Variants in RIF1 observed in about 807,000 individuals in gnomAD.
RIF1 encodes the protein replication timing regulatory factor 1, also known as telomere-associated protein RIF1.
RIF1 carries 45 observed loss-of-function variants against 247.1 expected under a neutral mutation model. The ratio of observed to expected loss-of-function variants is 0.18; its 90% CI spans 0.14 to 0.23. The LOEUF is 0.23. Ranked by LOEUF, RIF1 falls within the 10% of genes least tolerant of loss-of-function variation. The pLI is 1.00. For missense variants in RIF1, 2,967 were observed against 2,862.5 expected (o/e 1.04, Z -0.83); for synonymous variants, 1,087 against 978.8 (o/e 1.11, Z -2.06).
chr2:151,438,075 C>T (rs1275248544), intron 13 of RIF1, among the ~76,000 whole-genome samples: 6 of 152,026 alleles, frequency 3.9e-5, no homozygotes, highest in African/African-American at 1.4e-4. Context: ...CAATCTCTGC[C>T]CCAAAAGTAG....
intron 3 of RIF1, among the ~76,000 whole-genome samples, chr2:151,412,656 T>C (rs566926369): frequency 1.2e-4 from 19 of 152,248 alleles, no homozygotes; most frequent in Middle Eastern, 3.4e-3. Flanking sequence ...ACCCAGCTAA[T>C]ATTTTTAGTA....
At chr2:151,519,878 C>T in the RIF1 span, 6 of 681,014 alleles carry the variant, frequency 8.8e-6, no homozygotes, top group Admixed American at 2.4e-5. Flanking sequence ...ATAGAGTGAT[C>T]ATATAATCTA....
In RIF1 at chr2:151,460,082, C is replaced by G. The variant is rs1353445790; in HGVS notation, c.3038C>G (p.Thr1013Arg). ...NGKRDSFLAQ[T>R]KNKKENMKPA... ...AAAAGAGATTCATTTTTGGCACAAA[C>G]AAAGAATAAAAAAGAAAATATGAAA... is the stretch of plus-strand genomic sequence containing the variant. The change falls in exon 26 of 36, where the codon ACA (threonine) becomes AGA (arginine). Residue 1013 changes from threonine (T) to arginine (R), a missense_variant. Thr to Arg is a moderately conservative substitution (Grantham distance 71). This residue lies in a region of RIF1 where 2,028 missense variants were observed against 1,825.6 expected (regional missense o/e 1.11). Transcript: ENST00000444746. The G allele has an allele frequency of 5.7e-6, 9 of 1,568,684 alleles. No individual in the cohort carries two copies. The highest frequency in any genetic ancestry group is 4.1e-5 in the African/African-American group (3 of 72,890).
chr2:151,420,552 A>G (rs1687986814), intron 7 of RIF1, among the ~76,000 whole-genome samples, 173 bp downstream of exon 7: 1 of 152,034 alleles, frequency 6.6e-6, no homozygotes, highest in South Asian at 2.1e-4. Context: ...TCTGGGCAAC[A>G]TAGTGAAGAC....
At chr2:151,435,413 A>C (rs759929575) in intron 10 of RIF1, 50 bp from the exon 11 acceptor site, 14 of 1,021,028 alleles carry the variant, frequency 1.4e-5, no homozygotes, top group Non-Finnish European at 2.0e-5. Context: ...GCTTTTAAAA[A>C]CTGTGACAGT....
intron 34 of RIF1, among the ~76,000 whole-genome samples, chr2:151,472,032 C>G (rs965931852): frequency 4.6e-5 from 7 of 151,978 alleles, no homozygotes; most frequent in Non-Finnish European, 1.0e-4. Flanking sequence ...TGTTTGTGTC[C>G]TCTTTTATTT....
the RIF1 span, chr2:151,533,484 T>C: frequency 6.4e-7 from 1 of 1,551,626 alleles, no homozygotes; most frequent in Admixed American, 2.0e-5. Flanking sequence ...TCAACATATC[T>C]GGACGCAGAA....
rs539780614 is a variant in RIF1, at chr2:151,478,865, A to G, written c.*3794A>G. 1 of 152,314 alleles carries G rather than the reference A, an allele frequency of 6.6e-6. No individual in the cohort carries two copies. Among genetic ancestry groups the G allele is most frequent in the South Asian group, 2.1e-4 (1 of 4,830 alleles). 9.4% of individuals were successfully genotyped at this position (152,314 alleles called of 1,614,324 possible). ...TATAAAACAGCAGTTAGTTGGCATT[A>G]TTAGACTAAAACTTGGGTGGGGGGA... On this transcript the variant is annotated 3_prime_UTR_variant, in exon 36 of 36. Coordinates refer to ENST00000444746, the MANE Select transcript of RIF1 (RefSeq NM_018151.5).
chr2:151,421,424 G>C (rs1688145767), intron 7 of RIF1, among the ~76,000 whole-genome samples: 1 of 152,206 alleles, frequency 6.6e-6, no homozygotes, highest in Admixed American at 6.5e-5. Flanking sequence ...TTGTGTACCT[G>C]GTTGGTGTTC....
Position 151,475,093 on chromosome 2 carries a change from GT to G in RIF1, c.*29del, listed in dbSNP as rs748817850. The G allele has an allele frequency of 5.9e-6, 9 of 1,532,464 alleles. No homozygotes were observed. Among genetic ancestry groups the G allele is most frequent in the Middle Eastern group, 2.1e-4 (1 of 4,804 alleles). The allele number at this position is 1,532,464 out of a possible 1,614,324, so 94.9% of individuals were successfully genotyped here. ...TTAGTATTTTCAGAGAAAATTGAAG[GT>G]TTTTTTAAACATCACTGGATTTCTT... On this transcript the variant is annotated 3_prime_UTR_variant, in exon 36 of 36. Transcript: ENST00000444746.
intron 13 of RIF1, 76 bp downstream of exon 13, chr2:151,437,427 A>C: frequency 3.7e-5 from 41 of 1,119,848 alleles, no homozygotes; most frequent in Non-Finnish European, 5.1e-5. Flanking sequence ...ACAGTACCTC[A>C]CACCTGTAAT....
intron 34 of RIF1, 123 bp from the exon 35 acceptor site, chr2:151,473,841 G>A (rs2048765937): frequency 1.5e-6 from 1 of 668,306 alleles, no homozygotes; most frequent in South Asian, 1.7e-5. Context: ...ATTGTGATGG[G>A]TGGTAGAACA....
At position 151,467,018 on chromosome 2, in the gene RIF1, C is replaced by G. The variant is rs140419278; in HGVS notation, c.6600+898C>G. Among the ~76,000 whole-genome samples, 219 of 152,128 alleles carry G rather than the reference C, an allele frequency of 1.4e-3. 1 individual carries two copies. The highest frequency in any genetic ancestry group is 5.1e-3 in the African/African-American group (212 of 41,504). ...CAAGGCAGGTGGATCACCTGAGGGT[C>G]GGGAGTTCAAGACCAGCCTGACCAA... On this transcript the variant is annotated intron_variant, in intron 30 of 35. Coordinates refer to ENST00000444746, the MANE Select transcript of RIF1 (RefSeq NM_018151.5).
Position 151,495,905 on chromosome 2 carries a change from A to G in RIF1, c.*513+579A>G, listed in dbSNP as rs75797633. Among the ~76,000 whole-genome samples, 1,486 of 152,234 alleles carry G rather than the reference A, an allele frequency of 9.8e-3. 75 individuals carry two copies. In the East Asian group the frequency reaches 0.14, roughly 15 times the overall value. ...GTCATTGACACAAAAACACAACAAA[A>G]TCATATTTAAGAAAGAGCCGCATTG... On this transcript the variant is annotated intron_variant and NMD_transcript_variant, in intron 10 of 13. Transcript: ENST00000454583.
At position 151,465,755 on chromosome 2, in the gene RIF1, A is replaced by G. The variant is rs766230349; in HGVS notation, c.6235A>G (p.Ile2079Val). 3.5e-5 allele frequency: 56 copies of G among 1,613,600 alleles called. No homozygotes were observed. The highest frequency in any genetic ancestry group is 4.6e-5 in the Non-Finnish European group (54 of 1,179,594). ...AGTTGAAATGAGCACTGAAGAAGGAATCATTGACGCTAATAAAACTGAAAC... is the reference window on the plus strand; with the variant it reads ...AGTTGAAATGAGCACTGAAGAAGGAGTCATTGACGCTAATAAAACTGAAAC... The part of the protein sequence containing the change: ...DTVEMSTEEG[I>V]IDANKTETNT... Residue 2079 changes from isoleucine to valine, a missense_variant, in exon 30 of 36, where the codon ATC becomes GTC. Around this residue, in one of 7 missense-constraint regions of RIF1, gnomAD observed 2,028 missense variants for 1,825.6 expected, o/e 1.11. Transcript: ENST00000444746.
rs1686514000 is a variant in RIF1 at position 151,412,905 on chromosome 2, C to T, written c.183+1567C>T. Among the ~76,000 whole-genome samples, 6 of 152,230 alleles carry T rather than the reference C, an allele frequency of 3.9e-5. No homozygotes were observed. The South Asian group carries it at 1.2e-3, about 32-fold the overall frequency. ...CAGTCATCAACATTTTTTGTGTAAGCAGAAACTTTATTGTGTGCTAGTTAC... is the reference window on the plus strand; with the variant it reads ...CAGTCATCAACATTTTTTGTGTAAGTAGAAACTTTATTGTGTGCTAGTTAC... On this transcript the variant is annotated intron_variant, in intron 3 of 35. Coordinates refer to ENST00000444746, the MANE Select transcript of RIF1 (RefSeq NM_018151.5).
Position 151,490,369 on chromosome 2 carries a change from TA to T in RIF1, c.*416-4859del, listed in dbSNP as rs1553519860. The T allele has an allele frequency of 6.3e-7, 1 of 1,587,344 alleles. No individual in the cohort carries two copies. Among genetic ancestry groups the T allele is most frequent in the Non-Finnish European group, 8.6e-7 (1 of 1,165,682 alleles). ...TGCCAAAATCAGCGCCAGGCACTTGTACCTGTTGAGACTGCAAAGACACCCC... is the reference window on the plus strand; with the variant it reads ...TGCCAAAATCAGCGCCAGGCACTTGTCCTGTTGAGACTGCAAAGACACCCC... On this transcript the variant is annotated intron_variant and NMD_transcript_variant, in intron 9 of 13. Coordinates refer to the RIF1 transcript ENST00000454583.
At chr2:151,435,659 A>T (rs1237184813) in intron 11 of RIF1, 79 bp downstream of exon 11, 7 of 741,348 alleles carry the variant, frequency 9.4e-6, no homozygotes, top group Admixed American at 2.2e-5. Context: ...AAGTAGGAAA[A>T]AAAAAGGCTT....
At chr2:151,518,065 T>C in the RIF1 span, among the ~76,000 whole-genome samples, 24 of 152,190 alleles carry the variant, frequency 1.6e-4, no homozygotes, top group South Asian at 2.9e-3. Flanking sequence ...GAGGGGTTTG[T>C]CCCCTCATAA....
Sources: allele counts gnomAD v4.1 joint callset (sites outside exome capture counted in the v4.1 genomes callset), GRCh38; gene constraint gnomAD v4.1.1; regional missense constraint gnomAD v4.1.1; transcripts MANE v1.5; gene names NCBI Gene and HGNC (gene_info 2026-07-23, HGNC 2026-07-21).